FGFR2: variants seen among roughly 807,000 people sequenced by gnomAD.
The protein encoded by FGFR2 is BEK fibroblast growth factor receptor.
FGFR2 carries 19 observed loss-of-function variants against 95.9 expected under a neutral mutation model. That is an observed-to-expected ratio of 0.20 (90% CI 0.14 to 0.29). The LOEUF is 0.29. Among genes scored for constraint, FGFR2 ranks in the 10% least tolerant of loss-of-function variants. FGFR2 has a pLI of 1.00. For missense variants in FGFR2, 707 were observed against 1,056.9 expected (o/e 0.67, Z 4.59); for synonymous variants, 392 against 393.3 (o/e 1.00, Z 0.04).
At chr10:121,480,199 T>A (rs1485898569) in intron 17 of FGFR2, 178 bp from the exon 18 acceptor site, 1 of 789,328 alleles carries the variant, frequency 1.3e-6, no homozygotes, top group African/African-American at 1.7e-5. Context: ...AGGAGACCCC[T>A]AGAAGGTGAA....
chr10:121,581,610 G>GA (rs888329189), intron 2 of FGFR2, among the ~76,000 whole-genome samples: 3 of 150,076 alleles, frequency 2.0e-5, no homozygotes, highest in Non-Finnish European at 4.4e-5. Flanking sequence ...AAAGAAAAAA[G>GA]AAAAATCAGC....
At chr10:121,580,728 C>T (rs1001676745) in intron 2 of FGFR2, among the ~76,000 whole-genome samples, 1 of 152,190 alleles carries the variant, frequency 6.6e-6, no homozygotes, top group African/African-American at 2.4e-5. Context: ...CTGAAACCCA[C>T]ATTAATTCAG....
intron 2 of FGFR2, among the ~76,000 whole-genome samples, chr10:121,581,761 TAAAAAAAAAAAAAA>T (rs55911512): frequency 1.6e-5 from 1 of 62,558 alleles, no homozygotes; most frequent in East Asian, 5.4e-4. Flanking sequence ...ACCCTGCATT[TAAAAAAAAAAAAAA>T]AAAAAAAAAA....
chr10:121,488,164 G>C, intron 13 of FGFR2, 51 bp from the exon 14 acceptor site: 1 of 1,605,430 alleles, frequency 6.2e-7, no homozygotes, highest in Non-Finnish European at 8.5e-7. Flanking sequence ...AACACCGCCA[G>C]AACAAAAAGG....
chr10:121,590,444 G>A (rs1862466969), intron 2 of FGFR2, among the ~76,000 whole-genome samples: 1 of 152,074 alleles, frequency 6.6e-6, no homozygotes, highest in Non-Finnish European at 1.5e-5. Context: ...CCCCCTTCGA[G>A]TCAATAACCA....
chr10:121,493,950 C>G (rs1846457096), intron 13 of FGFR2, among the ~76,000 whole-genome samples: 2 of 152,014 alleles, frequency 1.3e-5, no homozygotes, highest in Non-Finnish European at 1.5e-5. Flanking sequence ...TTCTCTCCCT[C>G]CTATCTAATC....
intron 9 of FGFR2, among the ~76,000 whole-genome samples, chr10:121,506,244 G>A (rs1848251173): frequency 6.6e-6 from 1 of 150,616 alleles, no homozygotes; most frequent in Non-Finnish European, 1.5e-5. Context: ...TGTAATCCCA[G>A]CTACTTGGGA....
intron 4 of FGFR2, among the ~76,000 whole-genome samples, chr10:121,556,436 G>GCTCTCTCTCTCTCTCT (rs1856168601): frequency 9.3e-6 from 1 of 107,298 alleles, no homozygotes; most frequent in African/African-American, 5.8e-5. Context: ...TCTCTCTCTG[G>GCTCTCTCTCTCTCTCT]AACCAAAAAA....
At chr10:121,526,027 C>T (rs568855527) in intron 6 of FGFR2, 5 of 395,144 alleles carry the variant, frequency 1.3e-5, no homozygotes, top group East Asian at 7.2e-5. Flanking sequence ...CCAAGAGACT[C>T]GAATCACACG....
chr10:121,515,812 C>T (rs1849640731), intron 8 of FGFR2, among the ~76,000 whole-genome samples: 1 of 149,756 alleles, frequency 6.7e-6, no homozygotes, highest in African/African-American at 2.5e-5. Flanking sequence ...GAACACAATT[C>T]CATATGAAAC....
intron 2 of FGFR2, among the ~76,000 whole-genome samples, chr10:121,572,951 C>T (rs1471125342): frequency 2.6e-5 from 4 of 152,180 alleles, no homozygotes; most frequent in Admixed American, 2.0e-4. Flanking sequence ...TTGTAAAAGT[C>T]AAAAAAGGCT....
intron 2 of FGFR2, among the ~76,000 whole-genome samples, chr10:121,587,998 C>T (rs900289393): frequency 6.6e-6 from 1 of 152,114 alleles, no homozygotes; most frequent in African/African-American, 2.4e-5. Flanking sequence ...TACCTAAATG[C>T]TCATCAGTAA....
At chr10:121,552,719 C>T (rs1399481718) in intron 4 of FGFR2, among the ~76,000 whole-genome samples, 2 of 152,242 alleles carry the variant, frequency 1.3e-5, no homozygotes, top group Non-Finnish European at 2.9e-5. Context: ...AGAACCTCTA[C>T]TGTACAGCAA....
intron 4 of FGFR2, among the ~76,000 whole-genome samples, chr10:121,558,671 A>G (rs3096763): frequency 0.62 from 92,963 of 150,244 alleles, 29,168 homozygotes; most frequent in African/African-American, 0.72. Context: ...GCAGTGGCAC[A>G]ATTTCGGCTC....
At chr10:121,514,517 G>A (rs1849431753) in intron 9 of FGFR2, among the ~76,000 whole-genome samples, 1 of 152,184 alleles carries the variant, frequency 6.6e-6, no homozygotes, top group African/African-American at 2.4e-5. Flanking sequence ...AGCCACACCT[G>A]TGAACTACTA....
chr10:121,495,916 G>C (rs1197919519), intron 13 of FGFR2, among the ~76,000 whole-genome samples: 1 of 152,172 alleles, frequency 6.6e-6, no homozygotes, highest in Non-Finnish European at 1.5e-5. Flanking sequence ...ACTACTCTCA[G>C]AATAACTGAA....
Position 121,551,350 on chromosome 10 carries a change from G to C in FGFR2, c.564C>G (p.Thr188=), listed in dbSNP as rs1169633051. 3 of 1,614,242 alleles carry C rather than the reference G, an allele frequency of 1.9e-6. No individual in the cohort carries two copies. The Admixed American group carries it at 5.0e-5, about 27-fold the overall frequency. ...RCPAGGNPMP[T]MRWLKNGKEF... ...CCTTCCCGTTTTTCAGCCACCGCAT[G>C]GTTGGCATTGGGTTCCCCCCGGCTG... The change falls in exon 5 of 18, where the codon ACC becomes ACG. Residue 188 remains threonine (T), a synonymous_variant. Transcript: ENST00000358487.
chr10:121,578,444 T>C (rs970512340), intron 2 of FGFR2, among the ~76,000 whole-genome samples: 1 of 152,226 alleles, frequency 6.6e-6, no homozygotes, highest in Admixed American at 6.5e-5. Flanking sequence ...CATCTCGTCC[T>C]GTTCAGCCTC....
chr10:121,593,993 G>C (rs931848142), intron 1 of FGFR2, 26 bp from the exon 2 acceptor site: 1 of 698,172 alleles, frequency 1.4e-6, no homozygotes, highest in African/African-American at 1.8e-5. Context: ...TGGCGAGTCA[G>C]GGAATCTTCC....
Sources: allele counts gnomAD v4.1 joint callset (sites outside exome capture counted in the v4.1 genomes callset), GRCh38; gene constraint gnomAD v4.1.1; transcripts MANE v1.5; gene names NCBI Gene and HGNC (gene_info 2026-07-23, HGNC 2026-07-21).